SC5D: variants seen among roughly 807,000 people sequenced by gnomAD.
SC5D encodes sterol-C5-desaturase, also known as lathosterol oxidase.
Under a neutral mutation model 23.9 loss-of-function variants are expected in SC5D, and 21 were observed. The ratio of observed to expected loss-of-function variants is 0.88; its 90% confidence interval spans 0.62 to 1.26. SC5D has a LOEUF of 1.26. Among genes scored for constraint, SC5D ranks in the 50% most tolerant of loss-of-function variants. The probability of loss-of-function intolerance (pLI) is 0.00; values close to 1 mark genes in which losing one functional copy is unlikely to be tolerated. For synonymous variants in SC5D, 113 were observed against 125.9 expected, an observed-to-expected ratio of 0.90 and a Z score of 0.68; for missense variants, 309 against 364.8, an observed-to-expected ratio of 0.85 and a Z score of 1.25.
At chr11:121,301,347 T>C (rs1370078117) in intron 1 of SC5D, among the ~76,000 whole-genome samples, 3 of 151,678 alleles carry the variant, frequency 2.0e-5, no homozygotes, top group Non-Finnish European at 2.9e-5. Context: ...AACGCAGGTG[T>C]TGAAAAGTAC....
intron 1 of SC5D, among the ~76,000 whole-genome samples, chr11:121,294,317 T>G (rs1738907042): frequency 6.6e-6 from 1 of 152,046 alleles, no homozygotes; most frequent in Admixed American, 6.6e-5. Context: ...AATTCAGGAG[T>G]TGACGACTTG....
intron 4 of SC5D, chr11:121,306,722 T>C (rs1325780972): frequency 4.6e-6 from 3 of 646,986 alleles, no homozygotes; most frequent in East Asian, 2.8e-5. Context: ...GAGGGAACAA[T>C]AGACATTAGA....
At chr11:121,303,055 G>A (rs1024511058) in intron 1 of SC5D, among the ~76,000 whole-genome samples, 5 of 152,148 alleles carry the variant, frequency 3.3e-5, no homozygotes, top group African/African-American at 9.7e-5. Context: ...CATAGGACGC[G>A]GTAGGGAATG....
In SC5D at chr11:121,299,507, C is replaced by A. The variant is rs191560870; in HGVS notation, c.-10-3859C>A. 3.3e-5 allele frequency among the ~76,000 whole-genome samples: 5 copies of A among 152,320 alleles called. No individual in the cohort carries two copies. The East Asian group carries it at 9.6e-4, about 29-fold the overall frequency. ...TCATTTGTTACTCCATACATAATTACATAAATTGTTAATATACAAATGAAT... is the reference window on the plus strand; with the variant it reads ...TCATTTGTTACTCCATACATAATTAAATAAATTGTTAATATACAAATGAAT... On this transcript the variant is annotated intron_variant, in intron 1 of 4. Transcript: ENST00000264027.
chr11:121,312,141 T>C lies in SC5D; in HGVS notation c.*4629T>C, dbSNP rs1292581753. Among the ~76,000 whole-genome samples the C allele has an allele frequency of 2.0e-5, 3 of 152,166 alleles. No individual in the cohort carries two copies. Among genetic ancestry groups the C allele is most frequent in the Non-Finnish European group, 2.9e-5 (2 of 67,992 alleles). ...AAGGCCAGTCTACAAGGTTTGTAGA[T>C]AAAATAGAAACATACCTTCCTTGAA... On this transcript the variant is annotated 3_prime_UTR_variant, in exon 5 of 5. Transcript: ENST00000264027.
chr11:121,306,192 G>A, intron 3 of SC5D, 194 bp from the exon 4 acceptor site: 2 of 573,450 alleles, frequency 3.5e-6, no homozygotes, highest in South Asian at 4.0e-5. Context: ...GTACTTATGC[G>A]AGGGAAATGA....
intron 4 of SC5D, chr11:121,306,830 A>G (rs182628739): frequency 2.8e-4 from 178 of 633,132 alleles, no homozygotes; most frequent in Non-Finnish European, 4.0e-4. Flanking sequence ...ACTAAAAGCC[A>G]GACTTCACCA....
rs948925981 is a variant in SC5D at position 121,313,371 on chromosome 11, G to A, written c.*5859G>A. Among the ~76,000 whole-genome samples, 1 of 151,980 alleles carries A rather than the reference G, an allele frequency of 6.6e-6. No homozygotes were observed. The highest frequency in any genetic ancestry group is 1.5e-5 in the Non-Finnish European group (1 of 67,998). On this transcript the variant is annotated 3_prime_UTR_variant, in exon 5 of 5. Coordinates refer to ENST00000264027, the MANE Select transcript of SC5D (RefSeq NM_006918.5). ...AATATTTGTGTTATTTCCAGCGTGG[G>A]ATTATTATGAATAAAGTTGCTACAA...
chr11:121,307,499 C>T lies in SC5D; in HGVS notation c.887C>T (p.Thr296Ile), dbSNP rs1422744827. Residue 296 changes from threonine (T) to isoleucine (I), a missense_variant, in exon 5 of 5, where the codon ACA (threonine) becomes ATA (isoleucine). Coordinates refer to ENST00000264027, the MANE Select transcript of SC5D (RefSeq NM_006918.5). ...KNEKLFNGEF[T>I]KTE is the part of the protein sequence containing the mutation. ...GAAAAATTATTCAATGGAGAGTTTACAAAGACTGAATAGATTATTGCCCAG... is the reference window on the plus strand; with the variant it reads ...GAAAAATTATTCAATGGAGAGTTTATAAAGACTGAATAGATTATTGCCCAG... 6.3e-7 allele frequency: 1 copy of T among 1,595,896 alleles called. No individual in the cohort carries two copies. Among genetic ancestry groups the T allele is most frequent in the East Asian group, 2.2e-5 (1 of 44,830 alleles).
intron 4 of SC5D, 46 bp downstream of exon 4, chr11:121,306,532 G>A: frequency 1.1e-6 from 1 of 914,672 alleles, no homozygotes; most frequent in Non-Finnish European, 1.8e-6. Flanking sequence ...ACACATTTCA[G>A]CAATGTATGA....
rs913930655 is a variant in SC5D at position 121,310,031 on chromosome 11, C to T, written c.*2519C>T. ...AGTGAATTTCCTTATACCCTTGTAT[C>T]ATGTTTTCCTCCCATCTTCTAGAAG... is the stretch of plus-strand genomic sequence containing the variant. On this transcript the variant is annotated 3_prime_UTR_variant, in exon 5 of 5. Coordinates refer to ENST00000264027, the MANE Select transcript of SC5D (RefSeq NM_006918.5). 6.6e-6 allele frequency among the ~76,000 whole-genome samples: 1 copy of T among 152,174 alleles called. No homozygotes were observed. The highest frequency in any genetic ancestry group is 2.4e-5 in the African/African-American group (1 of 41,442).
intron 1 of SC5D, among the ~76,000 whole-genome samples, chr11:121,302,478 A>T (rs1019339320): frequency 2.0e-5 from 3 of 152,230 alleles, no homozygotes; most frequent in Non-Finnish European, 4.4e-5. Context: ...GAATGGACTT[A>T]AATATGTACT....
rs1045644596 is a variant in SC5D, at chr11:121,311,315, A to G, written c.*3803A>G. ...TCTGATGCTGTCTTTTTGGCCAACC[A>G]TTTTTTTATCATTTATTCATTAGCT... On this transcript the variant is annotated 3_prime_UTR_variant, in exon 5 of 5. Transcript: ENST00000264027. Among the ~76,000 whole-genome samples the G allele has an allele frequency of 1.3e-5, 2 of 152,112 alleles. No individual in the cohort carries two copies. The highest frequency in any genetic ancestry group is 4.8e-5 in the African/African-American group (2 of 41,420).
intron 1 of SC5D, among the ~76,000 whole-genome samples, chr11:121,302,649 A>G (rs369645903): frequency 6.6e-6 from 1 of 152,192 alleles, no homozygotes; most frequent in East Asian, 1.9e-4. Context: ...AGCCACAGAC[A>G]GTATGTAAAC....
intron 1 of SC5D, among the ~76,000 whole-genome samples, chr11:121,301,138 G>A (rs1261223512): frequency 3.3e-5 from 5 of 152,106 alleles, no homozygotes; most frequent in African/African-American, 1.2e-4. Context: ...CAATCAGTCA[G>A]TAGAAACTCT....
intron 1 of SC5D, among the ~76,000 whole-genome samples, chr11:121,297,578 T>C (rs1047021269): frequency 6.6e-6 from 1 of 152,208 alleles, no homozygotes; most frequent in African/African-American, 2.4e-5. Flanking sequence ...TTTTGTTAAT[T>C]TGGGTTTAAC....
chr11:121,302,243 C>T (rs1469683250), intron 1 of SC5D, among the ~76,000 whole-genome samples: 7 of 152,224 alleles, frequency 4.6e-5, no homozygotes, highest in Non-Finnish European at 7.4e-5. Flanking sequence ...AGATAAAGGC[C>T]GTTTGAACAC....
chr11:121,296,418 G>T (rs1226769178), intron 1 of SC5D, among the ~76,000 whole-genome samples: 1 of 152,164 alleles, frequency 6.6e-6, no homozygotes, highest in African/African-American at 2.4e-5. Flanking sequence ...AGTGAGCCAT[G>T]AATGCATCAT....
intron 1 of SC5D, among the ~76,000 whole-genome samples, chr11:121,295,239 G>A (rs1191801379): frequency 2.0e-5 from 3 of 152,176 alleles, no homozygotes; most frequent in Non-Finnish European, 2.9e-5. Flanking sequence ...CAAGGTGGTC[G>A]GGGACACAGT....
Sources: gnomAD v4.1 joint callset for allele counts (sites outside exome capture counted in the v4.1 genomes callset) on GRCh38, gnomAD v4.1.1 for gene constraint, MANE v1.5 for transcripts, NCBI Gene and HGNC (gene_info 2026-07-23, HGNC 2026-07-21) for gene names.